Variants in ADGRA3 observed in about 807,000 individuals in gnomAD.
The protein encoded by ADGRA3 is adhesion G protein-coupled receptor A3, also known as G-protein coupled receptor 125.
Under a neutral mutation model 119.8 loss-of-function variants are expected in ADGRA3, and 56 were observed. The ratio of observed to expected loss-of-function variants is 0.47; its 90% CI spans 0.38 to 0.58. The LOEUF (loss-of-function observed/expected upper bound fraction) is 0.58. Among genes scored for constraint, ADGRA3 ranks in the 20% least tolerant of loss-of-function variants. ADGRA3 has a pLI of 0.00. For missense variants in ADGRA3, 1,516 were observed against 1,649.0 expected (o/e 0.92, Z 1.40); for synonymous variants, 607 against 623.8 (o/e 0.97, Z 0.40).
At chr4:22,412,412 G>A (rs1459184897) in intron 14 of ADGRA3, among the ~76,000 whole-genome samples, 1 of 152,050 alleles carries the variant, frequency 6.6e-6, no homozygotes, top group Non-Finnish European at 1.5e-5. Context: ...AAAATTACAG[G>A]TTGAGTATCC....
rs562653806 is a variant in ADGRA3, at chr4:22,500,783, T to C, written c.257+14745A>G. Among the ~76,000 whole-genome samples the C allele has an allele frequency of 2.5e-4, 38 of 152,304 alleles. No homozygotes were observed. The South Asian group carries it at 7.9e-3, about 32-fold the overall frequency. Reference sequence around the variant, plus strand: ...TTTCCAGAAGAGATTAGCACTTAAATTGATAACTGAGTAAAGTAGATGATC... The same window carrying C: ...TTTCCAGAAGAGATTAGCACTTAAACTGATAACTGAGTAAAGTAGATGATC... On this transcript the variant is annotated intron_variant, in intron 1 of 18. Transcript: ENST00000334304.
At chr4:22,407,265 C>T (rs1333794197) in intron 14 of ADGRA3, among the ~76,000 whole-genome samples, 11 of 151,998 alleles carry the variant, frequency 7.2e-5, no homozygotes, top group African/African-American at 2.2e-4. Context: ...AGCAAGACTC[C>T]GCCTCAAAAA....
At chr4:22,389,640 G>A (rs77329276) in intron 17 of ADGRA3, among the ~76,000 whole-genome samples, 3 of 151,990 alleles carry the variant, frequency 2.0e-5, no homozygotes, top group Admixed American at 1.3e-4. Flanking sequence ...TCCCAGGACT[G>A]CCCACTGCTG....
At chr4:22,506,158 G>C (rs1719230137) in intron 1 of ADGRA3, among the ~76,000 whole-genome samples, 1 of 152,130 alleles carries the variant, frequency 6.6e-6, no homozygotes, top group South Asian at 2.1e-4. Flanking sequence ...GAAGCAGGAA[G>C]GTGCTGGAGT....
chr4:22,416,100 A>G (rs957386101), intron 12 of ADGRA3, among the ~76,000 whole-genome samples: 1 of 152,196 alleles, frequency 6.6e-6, no homozygotes, highest in African/African-American at 2.4e-5. Flanking sequence ...TTTAAAAGAA[A>G]TGTTGATCAT....
rs138542858 is a variant in ADGRA3, at chr4:22,442,711, C to T, written c.859G>A (p.Asp287Asn). ...TCAACAAAAATACCTTGCGATTCAT[C>T]GGTTTCAACTATTCTCCCATCCTGA... ...WYQDGRIVETDESQGIFVEKN... is the reference protein window; with the variant it reads ...WYQDGRIVETNESQGIFVEKN... The change falls in exon 7 of 19, where the codon GAT becomes AAT. Residue 287 changes from aspartate (D) to asparagine (N), a missense_variant. By Grantham distance (23) the Asp-to-Asn change is conservative. Transcript: ENST00000334304. The T allele has an allele frequency of 3.0e-5, 49 of 1,613,500 alleles. 1 individual carries two copies. In the East Asian group the frequency reaches 5.4e-4, roughly 18 times the overall value.
At chr4:22,428,001 T>C (rs1029467629) in intron 10 of ADGRA3, among the ~76,000 whole-genome samples, 32 of 152,202 alleles carry the variant, frequency 2.1e-4, no homozygotes, top group Admixed American at 1.8e-3. Context: ...ATGTCAAATG[T>C]TGTAAGAGAC....
chr4:22,401,411 G>T lies in ADGRA3; in HGVS notation c.2481+20C>A. 3 of 1,555,982 alleles carry T rather than the reference G, an allele frequency of 1.9e-6. No individual in the cohort carries two copies. The highest frequency in any genetic ancestry group is 1.3e-5 in the South Asian group (1 of 78,258). On this transcript the variant is annotated intron_variant, in intron 16 of 18. Transcript: ENST00000334304. ...TAATACCAGTAATTTTTTCCATTTC[G>T]GTTTTTCACTCTGACTTACTGCTTG...
chr4:22,503,923 T>G (rs1434875737), intron 1 of ADGRA3, among the ~76,000 whole-genome samples: 1 of 152,136 alleles, frequency 6.6e-6, no homozygotes, highest in Non-Finnish European at 1.5e-5. Context: ...ATCTTAGCCT[T>G]CAAGAACAAT....
At chr4:22,430,956 C>A (rs1716142085) in intron 10 of ADGRA3, among the ~76,000 whole-genome samples, 1 of 152,218 alleles carries the variant, frequency 6.6e-6, no homozygotes, top group African/African-American at 2.4e-5. Flanking sequence ...AGGGGGCAAC[C>A]CCCAAGCCTT....
At chr4:22,424,026 C>A (rs1197456778) in intron 11 of ADGRA3, among the ~76,000 whole-genome samples, 165 bp downstream of exon 11, 1 of 151,884 alleles carries the variant, frequency 6.6e-6, no homozygotes, top group South Asian at 2.1e-4. Flanking sequence ...TCTGTAATAA[C>A]TTATAAAATG....
At chr4:22,420,822 A>G (rs750106787) in intron 12 of ADGRA3, 64 bp downstream of exon 12, 1 of 1,480,156 alleles carries the variant, frequency 6.8e-7, no homozygotes, top group Admixed American at 1.7e-5. Flanking sequence ...TTTGCGAAGC[A>G]GAACATTTGG....
At chr4:22,496,252 G>A (rs1326863208) in intron 1 of ADGRA3, among the ~76,000 whole-genome samples, 3 of 152,116 alleles carry the variant, frequency 2.0e-5, no homozygotes, top group African/African-American at 7.2e-5. Flanking sequence ...GGCTGACTCG[G>A]CTCAAGTCCT....
intron 8 of ADGRA3, among the ~76,000 whole-genome samples, chr4:22,437,660 AT>A (rs1716448552): frequency 6.6e-6 from 1 of 152,324 alleles, no homozygotes; most frequent in South Asian, 2.1e-4. Context: ...AAATAAAAAA[AT>A]AAATAAATAA....
intron 11 of ADGRA3, among the ~76,000 whole-genome samples, 153 bp downstream of exon 11, chr4:22,424,021 AATAACTTATAAAATGTT>A (rs548721723): frequency 4.6e-5 from 7 of 152,142 alleles, no homozygotes; most frequent in Admixed American, 1.3e-4. Flanking sequence ...GAAATTCTGT[AATAACTTATAAAATGTT>A]ATAACTTATA....
At chr4:22,481,997 A>G (rs1406837802) in intron 1 of ADGRA3, among the ~76,000 whole-genome samples, 1 of 152,210 alleles carries the variant, frequency 6.6e-6, no homozygotes, top group Non-Finnish European at 1.5e-5. Flanking sequence ...CAGCAATTAA[A>G]TCAATTTTGT....
rs1334222250 is a variant in ADGRA3 at position 22,515,748 on chromosome 4, G to A, written c.37C>T (p.Pro13Ser). 1 of 1,030,156 alleles carries A rather than the reference G, an allele frequency of 9.7e-7. No homozygotes were observed. Among genetic ancestry groups the A allele is most frequent in the Non-Finnish European group, 1.2e-6 (1 of 863,706 alleles). The allele number at this position is 1,030,156 out of a possible 1,614,324, so 63.8% of individuals were successfully genotyped here. ...AGCGAGAGCGGCAGCAACAGCGGCG[G>A]CTGCGCGCGGCCCCGCCGGCGTCCG... is the stretch of plus-strand genomic sequence containing the variant. ...PPGRRRGRAQ[P>S]PLLLPLSLLA... Residue 13 changes from proline (P) to serine (S), a missense_variant, in exon 1 of 19, where the codon CCG (proline) becomes TCG (serine). By Grantham distance (74) the Pro-to-Ser change is moderately conservative. This residue lies in a region of ADGRA3 where 428 missense variants were observed against 541.9 expected (regional missense o/e 0.79). Transcript: ENST00000334304.
chr4:22,445,424 A>C (rs2109077967), intron 5 of ADGRA3, among the ~76,000 whole-genome samples: 1 of 152,294 alleles, frequency 6.6e-6, no homozygotes, highest in South Asian at 2.1e-4. Flanking sequence ...ACTGAACACC[A>C]GAGTTCTGGA....
At chr4:22,492,317 C>T (rs1249173929) in intron 1 of ADGRA3, among the ~76,000 whole-genome samples, 1 of 152,104 alleles carries the variant, frequency 6.6e-6, no homozygotes, top group Non-Finnish European at 1.5e-5. Context: ...TAGATAAATC[C>T]AGGCCTGGTT....
Sources: allele counts gnomAD v4.1 joint callset (sites outside exome capture counted in the v4.1 genomes callset), GRCh38; gene constraint gnomAD v4.1.1; regional missense constraint gnomAD v4.1.1; transcripts MANE v1.5; gene names NCBI Gene and HGNC (gene_info 2026-07-23, HGNC 2026-07-21).